HPSE2: variants seen among roughly 807,000 people sequenced by gnomAD.
HPSE2 encodes inactive heparanase-2.
Under a neutral mutation model 60.5 loss-of-function variants are expected in HPSE2, and 38 were observed. The observed-to-expected ratio is 0.63, with a 90% confidence interval of 0.48 to 0.82. The LOEUF is 0.82. Ranked by LOEUF, HPSE2 falls within the 40% of genes least tolerant of loss-of-function variation. The pLI is 0.00. For synonymous variants in HPSE2, 295 were observed against 293.2 expected (o/e 1.01, Z -0.06); for missense variants, 713 against 740.4 (o/e 0.96, Z 0.43).
intron 3 of HPSE2, among the ~76,000 whole-genome samples, chr10:99,041,668 G>C (rs1168331557): frequency 6.6e-6 from 1 of 152,176 alleles, no homozygotes; most frequent in Non-Finnish European, 1.5e-5. Context: ...CCATAGTGCT[G>C]AGGAGTGCAC....
At chr10:98,916,870 T>C (rs1356051827) in intron 3 of HPSE2, among the ~76,000 whole-genome samples, 4 of 152,170 alleles carry the variant, frequency 2.6e-5, no homozygotes, top group Non-Finnish European at 5.9e-5. Flanking sequence ...GCCTCAGCCT[T>C]TTCCACATCC....
chr10:98,492,510 C>CAAAAAAAAA (rs10645866), intron 9 of HPSE2, among the ~76,000 whole-genome samples: 75 of 111,988 alleles, frequency 6.7e-4, no homozygotes, highest in South Asian at 9.0e-4. Context: ...TCAAAAAAGA[C>CAAAAAAAAA]AAAAAAAAAA....
intron 3 of HPSE2, among the ~76,000 whole-genome samples, chr10:99,112,989 T>G (rs79452630): frequency 0.018 from 2,778 of 152,196 alleles, 90 homozygotes; most frequent in African/African-American, 0.063. Context: ...AAAATTTTAG[T>G]TCTGACAACC....
At chr10:99,237,925 C>A (rs1272000939), upstream of HPSE2, among the ~76,000 whole-genome samples, 2 of 152,162 alleles carry the variant, frequency 1.3e-5, no homozygotes, top group Non-Finnish European at 2.9e-5. Context: ...AATGGTAAAT[C>A]CAATCATGCT....
chr10:98,516,245 T>C (rs1392970439), intron 9 of HPSE2, among the ~76,000 whole-genome samples: 1 of 152,176 alleles, frequency 6.6e-6, no homozygotes, highest in Non-Finnish European at 1.5e-5. Context: ...ATTTTACAAA[T>C]AAAGATATTG....
At chr10:99,191,604 A>T (rs961273542) in intron 2 of HPSE2, among the ~76,000 whole-genome samples, 6 of 152,216 alleles carry the variant, frequency 3.9e-5, no homozygotes, top group Non-Finnish European at 7.3e-5. Flanking sequence ...GTGACCAAAG[A>T]CTTACATCAC....
chr10:98,509,818 T>A (rs1490994403), intron 9 of HPSE2, among the ~76,000 whole-genome samples: 1 of 152,122 alleles, frequency 6.6e-6, no homozygotes, highest in Non-Finnish European at 1.5e-5. Flanking sequence ...TTTTAAATGC[T>A]CAAATGCTTA....
intron 3 of HPSE2, among the ~76,000 whole-genome samples, chr10:98,982,189 A>G (rs1169185987): frequency 1.3e-5 from 2 of 152,192 alleles, no homozygotes; most frequent in Non-Finnish European, 2.9e-5. Context: ...ACTCCCACTG[A>G]TCTGAACAGT....
intron 3 of HPSE2, among the ~76,000 whole-genome samples, chr10:98,993,429 G>C (rs1331525759): frequency 6.6e-6 from 1 of 152,174 alleles, no homozygotes; most frequent in Non-Finnish European, 1.5e-5. Flanking sequence ...GCATGTCCCT[G>C]TCACAGCCTA....
At chr10:98,470,527 G>GGGATAAGCTGGATTGGAACTGAAAA (rs1940735664) in intron 11 of HPSE2, among the ~76,000 whole-genome samples, 1 of 152,200 alleles carries the variant, frequency 6.6e-6, no homozygotes. Context: ...CCCCACTATA[G>GGGATAAGCTGGATTGGAACTGAAAA]GGATAAGCTG....
the HPSE2 span, among the ~76,000 whole-genome samples, chr10:99,255,563 T>TAC: frequency 0.42 from 61,673 of 147,160 alleles, 14,714 homozygotes; most frequent in South Asian, 0.58. Context: ...CATGCACACA[T>TAC]ACACACACAC....
chr10:98,492,510 C>CAAAAAAA (rs10645866), intron 9 of HPSE2, among the ~76,000 whole-genome samples: 21 of 112,118 alleles, frequency 1.9e-4, no homozygotes, highest in Admixed American at 2.8e-4. Flanking sequence ...TCAAAAAAGA[C>CAAAAAAA]AAAAAAAAAA....
chr10:99,222,008 G>A (rs1372366431), intron 2 of HPSE2, among the ~76,000 whole-genome samples: 2 of 152,168 alleles, frequency 1.3e-5, no homozygotes, highest in Non-Finnish European at 2.9e-5. Context: ...CAGAACAGGT[G>A]TGAGGTGATG....
chr10:98,639,597 G>A (rs567598890), intron 7 of HPSE2, among the ~76,000 whole-genome samples: 3 of 152,246 alleles, frequency 2.0e-5, no homozygotes, highest in Middle Eastern at 3.4e-3. Context: ...CCAATTGCAC[G>A]CAGAGTTTTA....
chr10:98,777,559 C>A (rs1280765121), intron 3 of HPSE2, among the ~76,000 whole-genome samples: 2 of 152,118 alleles, frequency 1.3e-5, no homozygotes, highest in Non-Finnish European at 2.9e-5. Flanking sequence ...AGAGTAAACA[C>A]ATTACCCTTT....
chr10:98,716,818 C>G (rs1243661992), intron 5 of HPSE2, among the ~76,000 whole-genome samples: 2 of 151,936 alleles, frequency 1.3e-5, no homozygotes, highest in Non-Finnish European at 2.9e-5. Context: ...ATCTTTTTTT[C>G]CTGAGCAGTA....
At chr10:98,489,748 C>T (rs1031324156) in intron 10 of HPSE2, among the ~76,000 whole-genome samples, 5 of 152,228 alleles carry the variant, frequency 3.3e-5, no homozygotes, top group African/African-American at 9.6e-5. Context: ...ATGGGCATTA[C>T]ATCAACTGGC....
At chr10:99,184,510 G>A (rs1324399095) in intron 2 of HPSE2, among the ~76,000 whole-genome samples, 2 of 95,056 alleles carry the variant, frequency 2.1e-5, no homozygotes, top group African/African-American at 9.1e-5. Flanking sequence ...GGGCAACAGA[G>A]CGAGACTGTC....
At chr10:98,549,519 T>C (rs1003615085) in intron 9 of HPSE2, among the ~76,000 whole-genome samples, 1 of 152,180 alleles carries the variant, frequency 6.6e-6, no homozygotes, top group Non-Finnish European at 1.5e-5. Context: ...TTTAAAAACC[T>C]ATTTCCTTAT....
Sources: allele counts gnomAD v4.1 joint callset (sites outside exome capture counted in the v4.1 genomes callset), GRCh38; gene constraint gnomAD v4.1.1; transcripts MANE v1.5; gene names NCBI Gene and HGNC (gene_info 2026-07-23, HGNC 2026-07-21).